PALM2AKAP2: variants seen among roughly 807,000 people sequenced by gnomAD.
The protein encoded by PALM2AKAP2 is PALM2-AKAP2 fusion protein.
A neutral mutation model predicts 71.5 loss-of-function variants in PALM2AKAP2; 37 were observed. The ratio of observed to expected loss-of-function variants is 0.52; its 90% CI spans 0.40 to 0.68. The LOEUF is 0.68. PALM2AKAP2 is among the 30% of genes least tolerant of loss of function. PALM2AKAP2 has a pLI of 0.00. For missense variants in PALM2AKAP2, 1,224 were observed against 1,191.8 expected (o/e 1.03, Z -0.40); for synonymous variants, 468 against 478.8 (o/e 0.98, Z 0.29).
chr9:109,812,397 T>C (rs968261133), intron 1 of PALM2AKAP2, among the ~76,000 whole-genome samples: 3 of 151,990 alleles, frequency 2.0e-5, no homozygotes, highest in African/African-American at 7.3e-5. Context: ...CCTGGGTTGG[T>C]CTCTTTGCTG....
intron 1 of PALM2AKAP2, among the ~76,000 whole-genome samples, chr9:109,762,185 A>G (rs1267482622): frequency 6.6e-6 from 1 of 151,496 alleles, no homozygotes; most frequent in African/African-American, 2.4e-5. Flanking sequence ...GTATTGTTTC[A>G]TATAAACCTA....
chr9:109,742,282 C>G (rs1299729018), intron 1 of PALM2AKAP2, among the ~76,000 whole-genome samples: 1 of 151,450 alleles, frequency 6.6e-6, no homozygotes, highest in Admixed American at 6.6e-5. Flanking sequence ...CACACACACA[C>G]ACACACACAC....
intron 1 of PALM2AKAP2, chr9:110,049,001 T>C: frequency 8.9e-7 from 1 of 1,128,194 alleles, no homozygotes; most frequent in Non-Finnish European, 1.2e-6. Context: ...TTTGTGGTCC[T>C]TGTCGAGCGG....
At chr9:110,154,936 G>A (rs1190200400) in intron 2 of PALM2AKAP2, among the ~76,000 whole-genome samples, 1 of 152,204 alleles carries the variant, frequency 6.6e-6, no homozygotes, top group African/African-American at 2.4e-5. Context: ...GGCAGTTAAA[G>A]CTAGGAGAAT....
intron 6 of PALM2AKAP2, among the ~76,000 whole-genome samples, chr9:109,996,591 A>G (rs7868679): frequency 0.06 from 9,092 of 152,272 alleles, 619 homozygotes; most frequent in African/African-American, 0.16. Context: ...CCTTCTTCAT[A>G]TACAGAAGGA....
intron 1 of PALM2AKAP2, among the ~76,000 whole-genome samples, chr9:109,853,225 C>G (rs919420516): frequency 2.0e-5 from 3 of 152,038 alleles, no homozygotes; most frequent in Non-Finnish European, 4.4e-5. Flanking sequence ...CAGAACTGCG[C>G]GTGGCACCTG....
intron 6 of PALM2AKAP2, among the ~76,000 whole-genome samples, chr9:110,003,564 A>T (rs1239552616): frequency 6.6e-6 from 1 of 152,130 alleles, no homozygotes; most frequent in Non-Finnish European, 1.5e-5. Context: ...TGCAGAGCTG[A>T]GTTCAATTCC....
chr9:109,950,481 C>T (rs1420863135), intron 6 of PALM2AKAP2, among the ~76,000 whole-genome samples: 1 of 151,938 alleles, frequency 6.6e-6, no homozygotes, highest in Non-Finnish European at 1.5e-5. Context: ...CCCTATCACA[C>T]TCAGTTTCCT....
chr9:109,810,107 G>C (rs903059197), intron 1 of PALM2AKAP2, among the ~76,000 whole-genome samples: 7 of 152,280 alleles, frequency 4.6e-5, no homozygotes, highest in African/African-American at 1.4e-4. Context: ...ATATAAATTT[G>C]GCTGGTGGTG....
intron 1 of PALM2AKAP2, among the ~76,000 whole-genome samples, chr9:110,086,265 TA>T (rs1455233376): frequency 1.3e-5 from 2 of 152,262 alleles, no homozygotes; most frequent in East Asian, 3.9e-4. Flanking sequence ...CTAATGAAGG[TA>T]AAAATGGATT....
upstream of PALM2AKAP2, among the ~76,000 whole-genome samples, chr9:109,778,304 T>C (rs1829377284): frequency 6.6e-6 from 1 of 152,226 alleles, no homozygotes; most frequent in South Asian, 2.1e-4. Flanking sequence ...AAATCCCAGC[T>C]CTATAACTGT....
chr9:109,840,742 ATG>A lies in PALM2AKAP2; in HGVS notation c.46-26748_46-26747del. Reference sequence around the variant, plus strand: ...AGACACTTCTCAAAAGAAGACATTTATGCAGCCAAAAGACACATGAAAAAATG... The same window carrying A: ...AGACACTTCTCAAAAGAAGACATTTACAGCCAAAAGACACATGAAAAAATG... On this transcript the variant is annotated intron_variant, in intron 1 of 9. Coordinates refer to the PALM2AKAP2 transcript ENST00000302798. Among the ~76,000 whole-genome samples, 4 of 152,376 alleles carry A rather than the reference ATG, an allele frequency of 2.6e-5. No homozygotes were observed. The East Asian group carries it at 7.7e-4, about 29-fold the overall frequency.
At chr9:110,121,066 G>T (rs1179952583) in intron 1 of PALM2AKAP2, among the ~76,000 whole-genome samples, 2 of 152,176 alleles carry the variant, frequency 1.3e-5, no homozygotes, top group Non-Finnish European at 2.9e-5. Flanking sequence ...CACCAGAGAA[G>T]CATTACCAGG....
chr9:109,989,032 T>G (rs888848131), intron 6 of PALM2AKAP2, among the ~76,000 whole-genome samples: 1 of 152,204 alleles, frequency 6.6e-6, no homozygotes. Flanking sequence ...CCCAGCCAAG[T>G]GGAACTATGA....
At chr9:109,847,955 G>C (rs1828909017) in intron 1 of PALM2AKAP2, among the ~76,000 whole-genome samples, 1 of 152,156 alleles carries the variant, frequency 6.6e-6, no homozygotes, top group East Asian at 1.9e-4. Context: ...CAGGATCATG[G>C]TTTTAGAACT....
At position 110,084,013 on chromosome 9, in the gene PALM2AKAP2, G is replaced by A. The variant is rs79961566; in HGVS notation, c.156+35158G>A. Among the ~76,000 whole-genome samples the A allele has an allele frequency of 8.3e-3, 1,260 of 152,348 alleles. 14 individuals carry two copies. Among genetic ancestry groups the A allele is most frequent in the African/African-American group, 0.029 (1,208 of 41,590 alleles). On this transcript the variant is annotated intron_variant, in intron 1 of 3. Coordinates refer to ENST00000374525, the Ensembl canonical transcript of PALM2AKAP2. ...TAGATGCCTAGGGCGGGAACTCCCA[G>A]CTGACCGCTGTGCTCCTGAAGCATG...
intron 6 of PALM2AKAP2, among the ~76,000 whole-genome samples, chr9:109,967,570 C>T (rs1412075579): frequency 2.0e-5 from 3 of 152,130 alleles, no homozygotes; most frequent in Non-Finnish European, 2.9e-5. Flanking sequence ...CCACCACACC[C>T]AGCTAATTTT....
At chr9:110,011,014 A>AATATATATATATATATATATAT (rs1554737804) in intron 6 of PALM2AKAP2, among the ~76,000 whole-genome samples, 3 of 69,578 alleles carry the variant, frequency 4.3e-5, no homozygotes, top group African/African-American at 1.6e-4. Flanking sequence ...AAAAAAAAAA[A>AATATATATATATATATATATAT]ATATATATAT....
At chr9:109,841,283 G>T (rs996469292) in intron 1 of PALM2AKAP2, among the ~76,000 whole-genome samples, 1 of 147,778 alleles carries the variant, frequency 6.8e-6, no homozygotes, top group Admixed American at 6.8e-5. Flanking sequence ...ACCAAACACC[G>T]CATGTTCTCA....
Sources: allele counts gnomAD v4.1 joint callset (sites outside exome capture counted in the v4.1 genomes callset), GRCh38; gene constraint gnomAD v4.1.1; transcripts MANE v1.5; gene names NCBI Gene and HGNC (gene_info 2026-07-23, HGNC 2026-07-21).